DNAH17: variants seen among roughly 807,000 people sequenced by gnomAD.
DNAH17 encodes the protein dynein axonemal heavy chain 17, also known as axonemal beta dynein heavy chain 17.
Under a neutral mutation model 485.6 loss-of-function variants are expected in DNAH17, and 376 were observed. The observed-to-expected ratio is 0.77, with a 90% CI of 0.71 to 0.84. The LOEUF is 0.84. Among genes scored for constraint, DNAH17 ranks in the 40% least tolerant of loss-of-function variants. The pLI is 0.00. For missense variants in DNAH17, 6,370 were observed against 5,839.3 expected (o/e 1.09, Z -2.96); for synonymous variants, 3,031 against 2,405.9 (o/e 1.26, Z -7.60).
At chr17:78,460,465 G>A (rs569916910) in intron 58 of DNAH17, among the ~76,000 whole-genome samples, 2 of 152,344 alleles carry the variant, frequency 1.3e-5, no homozygotes, top group African/African-American at 4.8e-5. Context: ...GGCAGCAGTG[G>A]TGAGGGGCGG....
intron 48 of DNAH17, among the ~76,000 whole-genome samples, chr17:78,482,133 A>G (rs895920518): frequency 7.0e-5 from 9 of 129,252 alleles, no homozygotes; most frequent in African/African-American, 9.0e-5. Context: ...GCTGGAGTGC[A>G]GTGGTGAACA....
In DNAH17 at chr17:78,526,636, C is replaced by G; in HGVS notation, c.3711+15G>C. The G allele has an allele frequency of 6.3e-7, 1 of 1,587,222 alleles. No homozygotes were observed. The highest frequency in any genetic ancestry group is 8.6e-7 in the Non-Finnish European group (1 of 1,163,590). On this transcript the variant is annotated intron_variant, in intron 24 of 80. Coordinates refer to ENST00000389840, the MANE Select transcript of DNAH17 (RefSeq NM_173628.4). ...CCCAGACTTACCCCCTGATCTCACC[C>G]TTGAGCAAAAATACCTTATTCAGGG...
intron 26 of DNAH17, 159 bp from the exon 27 acceptor site, chr17:78,510,665 T>G: frequency 1.1e-6 from 1 of 929,056 alleles, no homozygotes; most frequent in Non-Finnish European, 1.6e-6. Flanking sequence ...GCTCTGAGAC[T>G]TGAGGAAGTG....
At chr17:78,467,593 A>C (rs1431937051) in intron 55 of DNAH17, among the ~76,000 whole-genome samples, 12 of 152,124 alleles carry the variant, frequency 7.9e-5, no homozygotes, top group Admixed American at 7.9e-4. Context: ...CAAGCAGGGG[A>C]AAACGATGGC....
chr17:78,445,734 C>G (rs572770461), intron 69 of DNAH17, 54 bp from the exon 70 acceptor site: 2 of 1,562,794 alleles, frequency 1.3e-6, no homozygotes, highest in Non-Finnish European at 1.7e-6. Context: ...ACGTCAGCAG[C>G]CCTGAAGATG....
In DNAH17 at chr17:78,543,177, C is replaced by G. The variant is rs568911390; in HGVS notation, c.2532+680G>C. 2.0e-5 allele frequency among the ~76,000 whole-genome samples: 3 copies of G among 152,286 alleles called. No individual in the cohort carries two copies. The South Asian group carries it at 6.2e-4, about 32-fold the overall frequency. ...TCACCCAGGCTGGGGTGCAGTGGTGCGATCTTGGTTCACTGCCACCTCCGC... is the reference window on the plus strand; with the variant it reads ...TCACCCAGGCTGGGGTGCAGTGGTGGGATCTTGGTTCACTGCCACCTCCGC... On this transcript the variant is annotated intron_variant, in intron 17 of 80. Transcript: ENST00000389840.
chr17:78,486,110 G>C lies in DNAH17; in HGVS notation c.7125C>G (p.Phe2375Leu), dbSNP rs751260682. The C allele has an allele frequency of 2.5e-6, 4 of 1,613,822 alleles. No individual in the cohort carries two copies. Among genetic ancestry groups the C allele is most frequent in the South Asian group, 2.2e-5 (2 of 91,040 alleles). The change falls in exon 46 of 81, where the codon TTC (phenylalanine) becomes TTG (leucine). Residue 2375 changes from phenylalanine to leucine, a missense_variant. Coordinates refer to ENST00000389840, the MANE Select transcript of DNAH17 (RefSeq NM_173628.4). The part of the protein sequence containing the change: ...QDQLVDYRVE[F>L]SKWWINEFKT... ...TGAATTCGTTGATCCACCATTTACTGAACTCCACTCGATAATCCACAAGCT... is the reference window on the plus strand; with the variant it reads ...TGAATTCGTTGATCCACCATTTACTCAACTCCACTCGATAATCCACAAGCT...
chr17:78,576,778 G>A (rs1290517441), intron 1 of DNAH17, among the ~76,000 whole-genome samples: 4 of 152,230 alleles, frequency 2.6e-5, no homozygotes, highest in Non-Finnish European at 5.9e-5. Flanking sequence ...AACGGCATGG[G>A]GTGGGCTGCC....
intron 44 of DNAH17, among the ~76,000 whole-genome samples, chr17:78,489,815 C>T (rs2089769895): frequency 1.9e-5 from 1 of 51,404 alleles, no homozygotes; most frequent in East Asian, 5.2e-4. Flanking sequence ...GTGCGAAGTA[C>T]TGGGTGGGCG....
chr17:78,461,954 G>A (rs1331114181), intron 57 of DNAH17, among the ~76,000 whole-genome samples: 1 of 152,022 alleles, frequency 6.6e-6, no homozygotes, highest in Non-Finnish European at 1.5e-5. Context: ...CAAGGTGACT[G>A]AATAGAAACA....
intron 55 of DNAH17, among the ~76,000 whole-genome samples, chr17:78,467,845 C>G (rs1409973475): frequency 6.6e-6 from 1 of 152,172 alleles, no homozygotes; most frequent in East Asian, 1.9e-4. Flanking sequence ...TGGTGAAATG[C>G]TGTCTCTACT....
chr17:78,480,741 C>G lies in DNAH17; in HGVS notation c.7695G>C (p.Gln2565His). ...KLTLKDIHNC[Q>H]YVACMNPTSG... ...AAGTGGGGTTCATGCAGGCCACGTACTGACAATTATGGATATCTTTTAACG... is the reference window on the plus strand; with the variant it reads ...AAGTGGGGTTCATGCAGGCCACGTAGTGACAATTATGGATATCTTTTAACG... Residue 2565 changes from glutamine (Q) to histidine (H), a missense_variant, in exon 49 of 81, where the codon CAG (glutamine) becomes CAC (histidine). By Grantham distance (24) the Gln-to-His change is conservative. Transcript: ENST00000389840. The G allele has an allele frequency of 6.2e-7, 1 of 1,613,834 alleles. No homozygotes were observed. The highest frequency in any genetic ancestry group is 1.3e-5 in the African/African-American group (1 of 75,046).
At chr17:78,476,523 T>A (rs376102048) in intron 52 of DNAH17, 49 bp downstream of exon 52, 21 of 1,567,566 alleles carry the variant, frequency 1.3e-5, no homozygotes, top group Non-Finnish European at 1.7e-5. Context: ...CACTCCACCC[T>A]CCTGGAGCCA....
rs200689304 is a variant in DNAH17, at chr17:78,486,422, C to A, written c.6903G>T (p.Thr2301=). Residue 2301 remains threonine (T), a synonymous_variant, in exon 45 of 81, where the codon ACG becomes ACT. Coordinates refer to ENST00000389840, the MANE Select transcript of DNAH17 (RefSeq NM_173628.4). ...ACCCAAAGCGCAACTTGTCCAGGCACGTGGGCAGGTACTTGTCAAAGAGGA... is the reference window on the plus strand; with the variant it reads ...ACCCAAAGCGCAACTTGTCCAGGCAAGTGGGCAGGTACTTGTCAAAGAGGA... ...LMILFDKYLP[T]CLDKLRFGFK... The A allele has an allele frequency of 2.3e-5, 37 of 1,613,786 alleles. No homozygotes were observed. Among genetic ancestry groups the A allele is most frequent in the Non-Finnish European group, 3.1e-5 (36 of 1,179,888 alleles).
At chr17:78,572,184 G>A (rs977660370) in intron 3 of DNAH17, among the ~76,000 whole-genome samples, 1 of 152,180 alleles carries the variant, frequency 6.6e-6, no homozygotes, top group Non-Finnish European at 1.5e-5. Context: ...TGTCACGGGG[G>A]TCTCACATAT....
Position 78,437,876 on chromosome 17 carries a change from C to G in DNAH17, c.11806-8G>C, listed in dbSNP as rs780411813. 2 of 1,601,916 alleles carry G rather than the reference C, an allele frequency of 1.2e-6. No homozygotes were observed. The highest frequency in any genetic ancestry group is 8.5e-7 in the Non-Finnish European group (1 of 1,172,748). ...GGCCACCAGGTGGATATTCTGCAGC[C>G]AAGACTAGAGGCTGGTTACACACTT... On this transcript the variant is annotated splice_region_variant and splice_polypyrimidine_tract_variant and intron_variant, in intron 73 of 80. Coordinates refer to ENST00000389840, the MANE Select transcript of DNAH17 (RefSeq NM_173628.4).
chr17:78,502,045 G>T, intron 33 of DNAH17, 172 bp from the exon 34 acceptor site: 2 of 897,544 alleles, frequency 2.2e-6, no homozygotes, highest in African/African-American at 1.7e-5. Context: ...TCACCAGGGT[G>T]CGGCCCTGAT....
chr17:78,446,697 G>A (rs553014775), intron 69 of DNAH17, among the ~76,000 whole-genome samples: 11 of 152,198 alleles, frequency 7.2e-5, no homozygotes, highest in South Asian at 2.1e-4. Context: ...AGGCTGGAGC[G>A]CAGTAGCGCA....
At position 78,479,570 on chromosome 17, in the gene DNAH17, G is replaced by A; in HGVS notation, c.7815C>T (p.Asn2605=). Residue 2605 remains asparagine, a synonymous_variant, in exon 50 of 81, where the codon AAC becomes AAT. Transcript: ENST00000389840. ...PGQEALTTIY[N]TILTQHLAFR... ...AGGCCAGGTGCTGCGTCAGGATTGT[G>A]TTGTAGATGGTGGTGAGGGCCTCCT... 2 of 1,613,680 alleles carry A rather than the reference G, an allele frequency of 1.2e-6. No homozygotes were observed. The highest frequency in any genetic ancestry group is 1.7e-6 in the Non-Finnish European group (2 of 1,179,888).
Sources: allele counts gnomAD v4.1 joint callset (sites outside exome capture counted in the v4.1 genomes callset), GRCh38; gene constraint gnomAD v4.1.1; transcripts MANE v1.5; gene names NCBI Gene and HGNC (gene_info 2026-07-23, HGNC 2026-07-21).